Variants in DCDC2 observed in about 807,000 individuals in gnomAD.
DCDC2 encodes doublecortin domain containing 2.
DCDC2 carries 40 observed loss-of-function variants against 50.2 expected under a neutral mutation model. That is an observed-to-expected ratio of 0.80 (90% CI 0.62 to 1.04). The LOEUF (loss-of-function observed/expected upper bound fraction) is 1.04, where lower values mean the gene tolerates loss of function less well. DCDC2 is among the 50% of genes least tolerant of loss of function. The probability of loss-of-function intolerance (pLI) is 0.00; values close to 1 mark genes in which losing one functional copy is unlikely to be tolerated. For synonymous variants in DCDC2, 234 were observed against 210.6 expected (o/e 1.11, Z -0.96); for missense variants, 570 against 581.9 (o/e 0.98, Z 0.21).
chr6:24,370,405 A>G, the DCDC2 span, among the ~76,000 whole-genome samples: 1 of 152,218 alleles, frequency 6.6e-6, no homozygotes, highest in Non-Finnish European at 1.5e-5. Flanking sequence ...CAAGAGAATT[A>G]AAAACATATG....
intron 2 of DCDC2, among the ~76,000 whole-genome samples, chr6:24,347,807 A>G (rs1760294390): frequency 6.6e-6 from 1 of 152,126 alleles, no homozygotes; most frequent in Non-Finnish European, 1.5e-5. Flanking sequence ...AACTAATTTT[A>G]CCCCTGAAAC....
chr6:24,278,882 C>T (rs949866730), intron 6 of DCDC2, among the ~76,000 whole-genome samples: 1 of 152,268 alleles, frequency 6.6e-6, no homozygotes, highest in East Asian at 1.9e-4. Flanking sequence ...CTCTAAGAAT[C>T]GCAAATCCAG....
chr6:24,205,628 A>G (rs957553814), intron 7 of DCDC2, among the ~76,000 whole-genome samples: 2 of 151,880 alleles, frequency 1.3e-5, no homozygotes, highest in Admixed American at 6.6e-5. Context: ...CCAAAAAATC[A>G]GTATCATTTA....
intron 7 of DCDC2, among the ~76,000 whole-genome samples, chr6:24,236,951 G>A (rs545563910): frequency 6.6e-6 from 1 of 152,170 alleles, no homozygotes; most frequent in Non-Finnish European, 1.5e-5. Flanking sequence ...GGAGGTTGTA[G>A]TGAGCCAAGA....
At chr6:24,328,224 A>G (rs1290942409) in intron 2 of DCDC2, among the ~76,000 whole-genome samples, 1 of 152,214 alleles carries the variant, frequency 6.6e-6, no homozygotes, top group Non-Finnish European at 1.5e-5. Context: ...TCCCCTGCCT[A>G]CTGGCACTGA....
chr6:24,197,654 C>T (rs1282259297), intron 8 of DCDC2, among the ~76,000 whole-genome samples: 4 of 152,168 alleles, frequency 2.6e-5, no homozygotes, highest in Non-Finnish European at 4.4e-5. Flanking sequence ...GGCTTTTCAT[C>T]AGGAAGACGA....
At chr6:24,218,936 T>A (rs1309426426) in intron 7 of DCDC2, among the ~76,000 whole-genome samples, 2 of 152,238 alleles carry the variant, frequency 1.3e-5, no homozygotes, top group East Asian at 3.8e-4. Context: ...CAACAGATGG[T>A]ATCTTCCAGA....
At chr6:24,227,540 C>CA (rs762367729) in intron 7 of DCDC2, among the ~76,000 whole-genome samples, 1 of 152,206 alleles carries the variant, frequency 6.6e-6, no homozygotes, top group Non-Finnish European at 1.5e-5. Context: ...GAGGGTTAAT[C>CA]AGAGACCCTG....
At chr6:24,199,420 C>A (rs1456827622) in intron 8 of DCDC2, among the ~76,000 whole-genome samples, 2 of 152,144 alleles carry the variant, frequency 1.3e-5, no homozygotes, top group South Asian at 4.1e-4. Context: ...AGCAGAGGGG[C>A]CTGACTGTTA....
chr6:24,182,222 T>C (rs1332079001), intron 8 of DCDC2, among the ~76,000 whole-genome samples: 1 of 152,134 alleles, frequency 6.6e-6, no homozygotes, highest in East Asian at 1.9e-4. Flanking sequence ...GAGGAAAACA[T>C]AAGGCAAAAG....
At chr6:24,222,201 T>C (rs1166424460) in intron 7 of DCDC2, among the ~76,000 whole-genome samples, 1 of 152,178 alleles carries the variant, frequency 6.6e-6, no homozygotes, top group Non-Finnish European at 1.5e-5. Context: ...GAGCCATTAA[T>C]TTACAAAGGG....
chr6:24,326,636 C>T (rs992701739), intron 2 of DCDC2, among the ~76,000 whole-genome samples: 5 of 148,736 alleles, frequency 3.4e-5, no homozygotes, highest in Admixed American at 6.7e-5. Flanking sequence ...GCATGTGGGT[C>T]GCTTAAGTCC....
At chr6:24,276,415 A>AAC (rs386406509) in intron 7 of DCDC2, among the ~76,000 whole-genome samples, 6 of 15,128 alleles carry the variant, frequency 4.0e-4, no homozygotes, top group Non-Finnish European at 1.8e-3. Context: ...GGCTTTTAAC[A>AAC]AAAAAAAAAA....
intron 7 of DCDC2, among the ~76,000 whole-genome samples, chr6:24,228,225 T>G (rs1762271791): frequency 6.6e-6 from 1 of 152,336 alleles, no homozygotes; most frequent in Admixed American, 6.5e-5. Flanking sequence ...AAGGCTCTTC[T>G]TACTGCAGAC....
Position 24,238,078 on chromosome 6 carries a change from GTT to G in DCDC2, c.923-32978_923-32977del, listed in dbSNP as rs140189124. 1.0e-3 allele frequency among the ~76,000 whole-genome samples: 56 copies of G among 55,944 alleles called. 2 individuals are homozygous for G. The highest frequency in any genetic ancestry group is 3.4e-3 in the South Asian group (4 of 1,168). The allele number at this position is 55,944 out of a possible 152,430, so 36.7% of individuals were successfully genotyped here. On this transcript the variant is annotated intron_variant, in intron 7 of 9. Transcript: ENST00000378454. ...TGTGCACCTGAATCTAAAATAAAAG[GTT>G]TTTTTTTTTTAAAGAAAGAAGGGAA...
chr6:24,239,949 A>G (rs1338911862), intron 7 of DCDC2, among the ~76,000 whole-genome samples: 2 of 152,216 alleles, frequency 1.3e-5, no homozygotes, highest in Non-Finnish European at 2.9e-5. Context: ...TCATTCTGTA[A>G]AACAAAACTT....
At chr6:24,286,838 T>C (rs73396004) in intron 6 of DCDC2, among the ~76,000 whole-genome samples, 4,136 of 152,258 alleles carry the variant, frequency 0.027, 163 homozygotes, top group African/African-American at 0.09. Flanking sequence ...CCCCAATTTC[T>C]CCATTAACCC....
chr6:24,218,168 G>C (rs1463744300), intron 7 of DCDC2, among the ~76,000 whole-genome samples: 1 of 152,044 alleles, frequency 6.6e-6, no homozygotes, highest in Non-Finnish European at 1.5e-5. Context: ...CAATTTGAGA[G>C]AATCAAACAT....
At chr6:24,342,245 C>T (rs75852970) in intron 2 of DCDC2, among the ~76,000 whole-genome samples, 4,199 of 152,288 alleles carry the variant, frequency 0.028, 74 homozygotes, top group African/African-American at 0.049. Flanking sequence ...GAAAACCATA[C>T]GGCAAAACAG....
Sources: gnomAD v4.1 joint callset for allele counts (sites outside exome capture counted in the v4.1 genomes callset) on GRCh38, gnomAD v4.1.1 for gene constraint, MANE v1.5 for transcripts, NCBI Gene and HGNC (gene_info 2026-07-23, HGNC 2026-07-21) for gene names.